CRYBA4: variants seen among roughly 807,000 people sequenced by gnomAD.
CRYBA4 encodes crystallin beta A4.
In CRYBA4, 30 loss-of-function variants were observed where a neutral mutation model predicts 31.7. That is an observed-to-expected ratio of 0.95 (90% confidence interval 0.71 to 1.28). CRYBA4 has a LOEUF of 1.28. Among genes scored for constraint, CRYBA4 ranks in the 50% most tolerant of loss-of-function variants. The probability of loss-of-function intolerance (pLI) is 0.00; values close to 1 mark genes in which losing one functional copy is unlikely to be tolerated. For missense variants in CRYBA4, 225 were observed against 260.7 expected, an observed-to-expected ratio of 0.86 and a Z score of 0.94; for synonymous variants, 102 against 102.3, an observed-to-expected ratio of 1.00 and a Z score of 0.02.
At chr22:26,602,213 G>A in the CRYBA4 span, among the ~76,000 whole-genome samples, 1 of 152,048 alleles carries the variant, frequency 6.6e-6, no homozygotes, top group African/African-American at 2.4e-5. Flanking sequence ...CACGTCATAG[G>A]GTCCTCGTGA....
At chr22:26,617,382 G>A (rs1352911112), upstream of CRYBA4, among the ~76,000 whole-genome samples, 2 of 152,174 alleles carry the variant, frequency 1.3e-5, no homozygotes, top group South Asian at 4.1e-4. Flanking sequence ...GCTGATTCCC[G>A]AACACATTCT....
chr22:26,591,059 T>A, the CRYBA4 span, among the ~76,000 whole-genome samples: 1 of 152,222 alleles, frequency 6.6e-6, no homozygotes, highest in South Asian at 2.1e-4. Context: ...ATTTGCCATA[T>A]GTATATATTA....
chr22:26,621,336 G>T (rs2283843), upstream of CRYBA4, among the ~76,000 whole-genome samples: 54,584 of 152,016 alleles, frequency 0.36, 10,052 homozygotes, highest in Middle Eastern at 0.48. Flanking sequence ...GGCCAATTGG[G>T]CTACCAGCTC....
At chr22:26,601,753 TG>T in the CRYBA4 span, 1 of 1,500,760 alleles carries the variant, frequency 6.7e-7, no homozygotes. Flanking sequence ...GAACCAGCAC[TG>T]GGAGACTGTG....
At chr22:26,594,702 A>G in the CRYBA4 span, among the ~76,000 whole-genome samples, 3 of 152,202 alleles carry the variant, frequency 2.0e-5, no homozygotes, top group Non-Finnish European at 4.4e-5. Flanking sequence ...AACAAAAAAC[A>G]AAAAACAAAA....
At chr22:26,596,453 T>C in the CRYBA4 span, among the ~76,000 whole-genome samples, 3 of 152,224 alleles carry the variant, frequency 2.0e-5, no homozygotes, top group African/African-American at 7.2e-5. Context: ...TTACCTTTTA[T>C]AGGACTTATC....
At chr22:26,614,424 A>T in the CRYBA4 span, among the ~76,000 whole-genome samples, 1 of 152,188 alleles carries the variant, frequency 6.6e-6, no homozygotes, top group African/African-American at 2.4e-5. Context: ...AAAAATAGAA[A>T]AGAATCTATG....
chr22:26,627,041 A>T (rs544405567), intron 4 of CRYBA4, among the ~76,000 whole-genome samples: 2 of 147,248 alleles, frequency 1.4e-5, no homozygotes, highest in South Asian at 4.8e-4. Flanking sequence ...TTGTTCATTT[A>T]TTCTGCAAAC....
the CRYBA4 span, among the ~76,000 whole-genome samples, chr22:26,611,469 G>GT: frequency 6.6e-3 from 882 of 133,216 alleles, 1 homozygote; most frequent in African/African-American, 0.011. Flanking sequence ...TTTTTTTTTT[G>GT]TTTTTTTTTT....
chr22:26,618,532 A>G (rs1929436650), upstream of CRYBA4, among the ~76,000 whole-genome samples: 2 of 152,242 alleles, frequency 1.3e-5, no homozygotes, highest in South Asian at 2.1e-4. Flanking sequence ...TGGGTTTGAT[A>G]TGGACAGCCT....
intron 4 of CRYBA4, among the ~76,000 whole-genome samples, chr22:26,626,436 C>A (rs1442772134): frequency 2.0e-5 from 3 of 152,078 alleles, no homozygotes; most frequent in Non-Finnish European, 4.4e-5. Context: ...CAAAAACAAA[C>A]AAACAAACAC....
the CRYBA4 span, chr22:26,599,438 A>T: frequency 6.5e-7 from 1 of 1,543,492 alleles, no homozygotes; most frequent in Non-Finnish European, 8.8e-7. Context: ...AATGGGGGAA[A>T]TAATTGAACA....
At chr22:26,629,404 G>A (rs761513776) in intron 5 of CRYBA4, among the ~76,000 whole-genome samples, 55 of 151,950 alleles carry the variant, frequency 3.6e-4, no homozygotes, top group Non-Finnish European at 7.2e-4. Context: ...GGAAATGGAG[G>A]CTTGGAAAAC....
At chr22:26,612,158 G>T in the CRYBA4 span, 1 of 1,613,880 alleles carries the variant, frequency 6.2e-7, no homozygotes, top group South Asian at 1.1e-5. Flanking sequence ...CTGCTCGACG[G>T]CCCTGGAAGT....
intron 5 of CRYBA4, among the ~76,000 whole-genome samples, chr22:26,629,004 C>A (rs185274155): frequency 9.3e-4 from 141 of 152,264 alleles, no homozygotes; most frequent in African/African-American, 3.2e-3. Context: ...AGTGAGAGGC[C>A]ACAGGCTCTT....
At chr22:26,594,783 C>G in the CRYBA4 span, among the ~76,000 whole-genome samples, 1 of 152,164 alleles carries the variant, frequency 6.6e-6, no homozygotes, top group Non-Finnish European at 1.5e-5. Flanking sequence ...TTGGAGAAGC[C>G]CCCGAAAAGG....
the CRYBA4 span, among the ~76,000 whole-genome samples, chr22:26,611,668 G>C: frequency 6.6e-6 from 1 of 151,944 alleles, no homozygotes. Context: ...TAGAGACGGG[G>C]TTTCACCTTG....
At chr22:26,595,939 A>G in the CRYBA4 span, among the ~76,000 whole-genome samples, 1 of 144,952 alleles carries the variant, frequency 6.9e-6, no homozygotes, top group Admixed American at 6.9e-5. Flanking sequence ...CACCCAGCTT[A>G]TTTTTTATTT....
At chr22:26,594,277 C>A in the CRYBA4 span, among the ~76,000 whole-genome samples, 1 of 152,154 alleles carries the variant, frequency 6.6e-6, no homozygotes, top group Admixed American at 6.5e-5. Flanking sequence ...ACCCTGGAAC[C>A]ATGTCTTTTC....
Sources: allele counts gnomAD v4.1 joint callset (sites outside exome capture counted in the v4.1 genomes callset), GRCh38; gene constraint gnomAD v4.1.1; transcripts MANE v1.5; gene names NCBI Gene and HGNC (gene_info 2026-07-23, HGNC 2026-07-21).